The following TEAD1 variants were observed in gnomAD, a reference collection of about 807,000 sequenced individuals.
TEAD1 encodes the protein TEA domain transcription factor 1.
A neutral mutation model predicts 54.9 loss-of-function variants in TEAD1; 9 were observed. That is an observed-to-expected ratio of 0.16 (90% CI 0.10 to 0.29). TEAD1 has a LOEUF of 0.29. Among genes scored for constraint, TEAD1 ranks in the 10% least tolerant of loss-of-function variants. The probability of loss-of-function intolerance (pLI) is 1.00; values close to 1 mark genes in which losing one functional copy is unlikely to be tolerated. For synonymous variants in TEAD1, 200 were observed against 187.8 expected (o/e 1.07, Z -0.53); for missense variants, 387 against 535.9 (o/e 0.72, Z 2.74).
intron 3 of TEAD1, chr11:12,823,447 T>C (rs533112634): frequency 6.6e-6 from 1 of 152,270 alleles, no homozygotes; most frequent in South Asian, 2.1e-4. Context: ...TTGGAAGTCA[T>C]TTCCCAGGGC....
intron 10 of TEAD1, among the ~76,000 whole-genome samples, chr11:12,915,850 A>G (rs957391138): frequency 2.6e-5 from 4 of 152,218 alleles, no homozygotes; most frequent in Non-Finnish European, 5.9e-5. Context: ...TCTCAGAAAA[A>G]AGAACAGATC....
At chr11:12,796,963 A>T (rs1945942649) in intron 3 of TEAD1, among the ~76,000 whole-genome samples, 1 of 152,056 alleles carries the variant, frequency 6.6e-6, no homozygotes, top group African/African-American at 2.4e-5. Flanking sequence ...ATACAAAAAA[A>T]TTAGCTGGGT....
intron 2 of TEAD1, among the ~76,000 whole-genome samples, chr11:12,713,839 C>A (rs1943995951): frequency 6.6e-6 from 1 of 152,190 alleles, no homozygotes. Flanking sequence ...ATGGCTGCAG[C>A]AGCTCCCGGC....
intron 3 of TEAD1, among the ~76,000 whole-genome samples, chr11:12,774,700 G>A (rs1011627515): frequency 1.3e-5 from 2 of 152,176 alleles, no homozygotes; most frequent in Admixed American, 6.5e-5. Context: ...TCTCAGCAAT[G>A]TTGAGAGAAA....
At chr11:12,855,608 C>T (rs1313070500) in intron 3 of TEAD1, among the ~76,000 whole-genome samples, 1 of 150,902 alleles carries the variant, frequency 6.6e-6, no homozygotes, top group Admixed American at 6.6e-5. Context: ...CTTTCATATC[C>T]TAAAATATTT....
intron 9 of TEAD1, among the ~76,000 whole-genome samples, chr11:12,887,109 T>C (rs996770841): frequency 6.6e-6 from 1 of 150,528 alleles, no homozygotes; most frequent in Non-Finnish European, 1.5e-5. Flanking sequence ...TTTTTTTTTT[T>C]TTGGAGACAC....
At chr11:12,749,684 G>A (rs78436998) in intron 2 of TEAD1, among the ~76,000 whole-genome samples, 2,038 of 152,276 alleles carry the variant, frequency 0.013, 42 homozygotes, top group African/African-American at 0.047. Flanking sequence ...TGGACTGGGC[G>A]TCTTGCCCCC....
At chr11:12,867,554 A>G (rs1479103211) in intron 5 of TEAD1, among the ~76,000 whole-genome samples, 1 of 152,132 alleles carries the variant, frequency 6.6e-6, no homozygotes, top group South Asian at 2.1e-4. Flanking sequence ...TGAGCATTTT[A>G]TCTCAAAGGC....
chr11:12,887,254 G>A (rs7481217), intron 9 of TEAD1, among the ~76,000 whole-genome samples: 23,516 of 151,676 alleles, frequency 0.16, 2,626 homozygotes, highest in African/African-American at 0.3. Flanking sequence ...CCACCACCAC[G>A]CCCGGCTAAT....
At chr11:12,808,305 G>GC (rs1946221239) in intron 3 of TEAD1, among the ~76,000 whole-genome samples, 1 of 152,036 alleles carries the variant, frequency 6.6e-6, no homozygotes, top group Non-Finnish European at 1.5e-5. Context: ...GTGGAACAGG[G>GC]CAGCAGACTT....
intron 11 of TEAD1, among the ~76,000 whole-genome samples, chr11:12,927,558 T>G (rs1318770288): frequency 2.6e-5 from 4 of 152,216 alleles, no homozygotes; most frequent in Non-Finnish European, 5.9e-5. Flanking sequence ...TTCAATCACT[T>G]AAACATATAA....
chr11:12,792,374 A>AG lies in TEAD1; in HGVS notation c.202+27941dup, dbSNP rs1554934191. Among the ~76,000 whole-genome samples, 318 of 150,880 alleles carry AG rather than the reference A, an allele frequency of 2.1e-3. 4 individuals carry two copies. Among genetic ancestry groups the AG allele is most frequent in the African/African-American group, 7.0e-3 (286 of 40,940 alleles). On this transcript the variant is annotated intron_variant, in intron 3 of 12. Coordinates refer to ENST00000527636, the MANE Select transcript of TEAD1 (RefSeq NM_021961.6). ...AAATAGTAAAAAAAAAAAAAAAAAA[A>AG]GTCCTATATAGTCCTATGAAGAAAG... is the stretch of plus-strand genomic sequence containing the variant.
chr11:12,718,123 C>T lies in TEAD1; in HGVS notation c.-55+42562C>T, dbSNP rs191483311. On this transcript the variant is annotated intron_variant, in intron 2 of 12. Coordinates refer to ENST00000527636, the MANE Select transcript of TEAD1 (RefSeq NM_021961.6). ...GCTCTGGTAGTCATCATTCAGAGTCCGCTTATAACCCTGTCTCCTCCCACC... is the reference window on the plus strand; with the variant it reads ...GCTCTGGTAGTCATCATTCAGAGTCTGCTTATAACCCTGTCTCCTCCCACC... Among the ~76,000 whole-genome samples the T allele has an allele frequency of 2.2e-3, 339 of 152,228 alleles. 8 individuals carry two copies. Among genetic ancestry groups the T allele is most frequent in the Admixed American group, 0.018 (268 of 15,284 alleles).
At chr11:12,694,389 TA>T (rs1211449368) in intron 2 of TEAD1, among the ~76,000 whole-genome samples, 2 of 151,658 alleles carry the variant, frequency 1.3e-5, no homozygotes, top group Non-Finnish European at 2.9e-5. Context: ...TTTACTTCCT[TA>T]TATACAGGGT....
chr11:12,787,543 C>G (rs1945703960), intron 3 of TEAD1, among the ~76,000 whole-genome samples: 1 of 152,038 alleles, frequency 6.6e-6, no homozygotes, highest in Admixed American at 6.6e-5. Context: ...TTTTTCGTTG[C>G]ACAGATTAAA....
chr11:12,815,119 G>C (rs1356995312), intron 3 of TEAD1, among the ~76,000 whole-genome samples: 1 of 152,116 alleles, frequency 6.6e-6, no homozygotes, highest in Non-Finnish European at 1.5e-5. Context: ...ATAAGGGTAG[G>C]TTTCATTCTG....
chr11:12,799,622 T>A (rs776135249), intron 3 of TEAD1, among the ~76,000 whole-genome samples: 3 of 152,252 alleles, frequency 2.0e-5, no homozygotes, highest in Non-Finnish European at 4.4e-5. Context: ...AGAAGAGTTA[T>A]TATTTATTTC....
At chr11:12,909,851 G>T (rs772076415) in intron 10 of TEAD1, among the ~76,000 whole-genome samples, 1 of 152,150 alleles carries the variant, frequency 6.6e-6, no homozygotes, top group African/African-American at 2.4e-5. Flanking sequence ...GGAAAATTAC[G>T]CATTGATGTG....
At chr11:12,905,051 A>G (rs909954459) in intron 10 of TEAD1, 2 of 154,172 alleles carry the variant, frequency 1.3e-5, no homozygotes, top group Admixed American at 1.3e-4. Context: ...GTGAATGAAA[A>G]GCTAATTCGG....
Sources: allele counts gnomAD v4.1 joint callset (sites outside exome capture counted in the v4.1 genomes callset), GRCh38; gene constraint gnomAD v4.1.1; transcripts MANE v1.5; gene names NCBI Gene and HGNC (gene_info 2026-07-23, HGNC 2026-07-21).